The following CDHR3 variants were observed in gnomAD, a reference collection of about 807,000 sequenced individuals.
CDHR3 encodes cadherin related family member 3.
A neutral mutation model predicts 86.6 loss-of-function variants in CDHR3; 79 were observed. The ratio of observed to expected loss-of-function variants is 0.91; its 90% CI spans 0.76 to 1.10. CDHR3 has a LOEUF of 1.10. Among genes scored for constraint, CDHR3 ranks in the 50% least tolerant of loss-of-function variants. The pLI is 0.00. For missense variants in CDHR3, 1,081 were observed against 1,077.6 expected (o/e 1.00, Z -0.04); for synonymous variants, 421 against 402.4 (o/e 1.05, Z -0.55).
intron 8 of CDHR3, among the ~76,000 whole-genome samples, chr7:106,012,284 A>C (rs529505774): frequency 6.6e-6 from 1 of 152,154 alleles, no homozygotes; most frequent in Non-Finnish European, 1.5e-5. Context: ...AAAGAGGGGA[A>C]TAGGAGAGGA....
chr7:106,026,682 G>A lies in CDHR3; in HGVS notation c.2259G>A (p.Leu753=), dbSNP rs1272181029. 6 of 1,613,804 alleles carry A rather than the reference G, an allele frequency of 3.7e-6. No homozygotes were observed. Among genetic ancestry groups the A allele is most frequent in the South Asian group, 1.1e-5 (1 of 91,076 alleles). ...PCKTGKNKEP[L]TKKGETKTAE... The stretch of plus-strand genomic sequence containing the variant: ...ATAGCCATTCTTTTTCCCCCCATAG[G>A]ACAAAGAAAGGAGGTATGTACAGTA... The change falls in exon 16 of 19, where the codon CTG becomes CTA. Residue 753 remains leucine, a splice_region_variant and synonymous_variant. Coordinates refer to ENST00000317716, the MANE Select transcript of CDHR3 (RefSeq NM_152750.5).
intron 2 of CDHR3, among the ~76,000 whole-genome samples, chr7:105,975,857 G>T (rs539113096): frequency 6.6e-6 from 1 of 152,146 alleles, no homozygotes; most frequent in African/African-American, 2.4e-5. Flanking sequence ...TCTGGGTCCT[G>T]AGTCAGGGTT....
chr7:105,995,890 C>G (rs965101090), intron 5 of CDHR3, among the ~76,000 whole-genome samples: 29 of 152,072 alleles, frequency 1.9e-4, no homozygotes, highest in Non-Finnish European at 4.4e-5. Flanking sequence ...GGTGTGGGAA[C>G]AAGAGCTAGC....
chr7:105,994,960 T>C, intron 5 of CDHR3, 115 bp downstream of exon 5: 1 of 768,460 alleles, frequency 1.3e-6, no homozygotes. Flanking sequence ...TTGAGCAGTC[T>C]ACAGCGTCAT....
Position 106,001,559 on chromosome 7 carries a change from C to T in CDHR3, c.811C>T (p.His271Tyr), listed in dbSNP as rs1302598718. ...TCCTGATGATGAAGGTTTTCCCAGC[C>T]ACCTCCTCTACAGCATTACCACTGT... ...EDPDDEGFPS[H>Y]LLYSITTVSK... Residue 271 changes from histidine (H) to tyrosine (Y), a missense_variant, in exon 7 of 19, where the codon CAC (histidine) becomes TAC (tyrosine). Physicochemically the swap from His to Tyr is moderately conservative, Grantham distance 83. Transcript: ENST00000317716. 7.4e-6 allele frequency: 12 copies of T among 1,613,876 alleles called. No homozygotes were observed. The highest frequency in any genetic ancestry group is 1.0e-5 in the Non-Finnish European group (12 of 1,179,906).
intron 5 of CDHR3, 74 bp downstream of exon 5, chr7:105,994,919 G>A (rs1831950899): frequency 8.0e-7 from 1 of 1,248,792 alleles, no homozygotes; most frequent in Admixed American, 2.0e-5. Flanking sequence ...ATAGGTCACA[G>A]TGCAACCTGA....
intron 4 of CDHR3, among the ~76,000 whole-genome samples, chr7:105,985,038 A>T (rs1314004923): frequency 6.8e-6 from 1 of 147,158 alleles, no homozygotes; most frequent in East Asian, 2.0e-4. Context: ...CAGCCTGGGC[A>T]ATAGAGCAAG....
rs2115950405 is a variant in CDHR3, at chr7:106,035,727, TCA to T, written c.*3031_*3032del. 6.6e-6 allele frequency: 1 copy of T among 152,116 alleles called. No homozygotes were observed. Among genetic ancestry groups the T allele is most frequent in the African/African-American group, 2.4e-5 (1 of 41,522 alleles). The allele number at this position is 152,116 out of a possible 1,614,324, so 9.4% of individuals were successfully genotyped here. On this transcript the variant is annotated 3_prime_UTR_variant, in exon 19 of 19. Transcript: ENST00000317716. ...CTGATTGGTTGCAGGAAGCAACCAA[TCA>T]GAGACTGAAGTGGAGTTACAAAGGT...
chr7:105,971,208 G>T (rs953528709), intron 1 of CDHR3, among the ~76,000 whole-genome samples: 3 of 151,448 alleles, frequency 2.0e-5, no homozygotes, highest in South Asian at 4.2e-4. Context: ...GCCTAGGACT[G>T]CTAGGTCTGC....
chr7:105,977,759 C>T (rs1266659868), intron 2 of CDHR3, among the ~76,000 whole-genome samples: 2 of 152,142 alleles, frequency 1.3e-5, no homozygotes, highest in Admixed American at 6.5e-5. Flanking sequence ...TGGAGGATGG[C>T]GAGTCTGGGT....
chr7:105,980,623 A>ATTTTTTTTTTTT (rs55880404), intron 2 of CDHR3, among the ~76,000 whole-genome samples: 7 of 108,140 alleles, frequency 6.5e-5, no homozygotes, highest in East Asian at 2.7e-4. Context: ...TTTTTTTTTA[A>ATTTTTTTTTTTT]TTTTTTTTTT....
At chr7:105,976,636 C>A (rs1828856147) in intron 2 of CDHR3, among the ~76,000 whole-genome samples, 1 of 152,180 alleles carries the variant, frequency 6.6e-6, no homozygotes, top group South Asian at 2.1e-4. Flanking sequence ...CAATCCCTGG[C>A]AACCACTAAT....
Position 105,980,956 on chromosome 7 carries a change from A to G in CDHR3, c.250-12A>G. The G allele has an allele frequency of 1.9e-6, 3 of 1,595,560 alleles. No homozygotes were observed. The highest frequency in any genetic ancestry group is 2.6e-6 in the Non-Finnish European group (3 of 1,170,388). On this transcript the variant is annotated splice_polypyrimidine_tract_variant and intron_variant, in intron 2 of 18. Coordinates refer to ENST00000317716, the MANE Select transcript of CDHR3 (RefSeq NM_152750.5). ...TTCACATGGTTACTAAGAATTTTGC[A>G]TTTTGTTTTAGGTTGTCACCACTGG... is the stretch of plus-strand genomic sequence containing the variant.
At chr7:105,982,854 G>A (rs1382381079) in intron 3 of CDHR3, among the ~76,000 whole-genome samples, 2 of 151,804 alleles carry the variant, frequency 1.3e-5, no homozygotes, top group Non-Finnish European at 2.9e-5. Context: ...GTGGTGGCAG[G>A]TACCTGTAGT....
rs886882626 is a variant in CDHR3, at chr7:106,015,918, C to T, written c.1328-9C>T. On this transcript the variant is annotated splice_polypyrimidine_tract_variant and intron_variant, in intron 10 of 18. Coordinates refer to ENST00000317716, the MANE Select transcript of CDHR3 (RefSeq NM_152750.5). ...TTGTGATTAAATGTGTTTCTATTTC[C>T]ATTTTTAGATAACGTCTACGTTTAT... 14 of 1,578,398 alleles carry T rather than the reference C, an allele frequency of 8.9e-6. No homozygotes were observed. Among genetic ancestry groups the T allele is most frequent in the Non-Finnish European group, 1.2e-5 (14 of 1,149,644 alleles).
intron 8 of CDHR3, among the ~76,000 whole-genome samples, chr7:106,010,418 G>C (rs779729985): frequency 6.6e-6 from 1 of 152,192 alleles, no homozygotes; most frequent in Non-Finnish European, 1.5e-5. Context: ...TTAATAAGTG[G>C]TGTCTCTTCT....
At chr7:105,980,762 T>C (rs1429660578) in intron 2 of CDHR3, among the ~76,000 whole-genome samples, 1 of 152,042 alleles carries the variant, frequency 6.6e-6, no homozygotes, top group African/African-American at 2.4e-5. Flanking sequence ...AAACGCAGCA[T>C]CACATGCAGG....
At position 106,035,427 on chromosome 7, in the gene CDHR3, G is replaced by A. The variant is rs1206799241; in HGVS notation, c.*2730G>A. ...GAAATCCAGAAGTCAAAGTGTCACC[G>A]GTGGAGGGTCTTGACTGCAAGTTGT... On this transcript the variant is annotated 3_prime_UTR_variant, in exon 19 of 19. Coordinates refer to ENST00000317716, the MANE Select transcript of CDHR3 (RefSeq NM_152750.5). Among the ~76,000 whole-genome samples, 5 of 152,304 alleles carry A rather than the reference G, an allele frequency of 3.3e-5. No homozygotes were observed. Among genetic ancestry groups the A allele is most frequent in the Non-Finnish European group, 7.3e-5 (5 of 68,030 alleles).
chr7:106,030,899 A>G lies in CDHR3; in HGVS notation c.2353+59A>G, dbSNP rs1838228169. 12 of 1,480,736 alleles carry G rather than the reference A, an allele frequency of 8.1e-6. No homozygotes were observed. Among genetic ancestry groups the G allele is most frequent in the Non-Finnish European group, 1.1e-5 (12 of 1,074,080 alleles). The allele number at this position is 1,480,736 out of a possible 1,614,324, so 91.7% of individuals were successfully genotyped here. A position where few individuals can be genotyped will look rare whatever the true frequency, so the allele number is the denominator to read the frequency against. ...TTTTATATTCCAGACTGGTAGAAGC[A>G]TGGAGGATCTTATCCAATTTCCTGC... On this transcript the variant is annotated intron_variant, in intron 18 of 18. Coordinates refer to ENST00000317716, the MANE Select transcript of CDHR3 (RefSeq NM_152750.5). This position sits in a 1 kb window ranked among gnomAD's most constrained non-coding sequence, Gnocchi z 4.8.
Sources: gnomAD v4.1 joint callset for allele counts (sites outside exome capture counted in the v4.1 genomes callset) on GRCh38, gnomAD v4.1.1 for gene constraint, Gnocchi (gnomAD v3.1) non-coding constraint, MANE v1.5 for transcripts, NCBI Gene and HGNC (gene_info 2026-07-23, HGNC 2026-07-21) for gene names.